Variants in CSMD1 observed in about 807,000 individuals in gnomAD.
CSMD1 encodes CUB and sushi domain-containing protein 1.
CSMD1 carries 213 observed loss-of-function variants against 417.5 expected under a neutral mutation model. The ratio of observed to expected loss-of-function variants is 0.51; its 90% CI spans 0.46 to 0.57. The LOEUF (loss-of-function observed/expected upper bound fraction) is 0.57, where lower values mean the gene tolerates loss of function less well. Ranked by LOEUF, CSMD1 falls within the 20% of genes least tolerant of loss-of-function variation. The pLI is 0.00. For synonymous variants in CSMD1, 2,862 were observed against 1,736.8 expected, an observed-to-expected ratio of 1.65 and a Z score of -16.11; for missense variants, 6,923 against 4,529.7, an observed-to-expected ratio of 1.53 and a Z score of -15.17.
chr8:4,692,264 G>A (rs1248595962), intron 1 of CSMD1, among the ~76,000 whole-genome samples: 1 of 152,050 alleles, frequency 6.6e-6, no homozygotes. Context: ...CAAGTCTTAA[G>A]ATGTACGTTT....
chr8:4,806,861 C>T (rs1336714546), intron 1 of CSMD1, among the ~76,000 whole-genome samples: 1 of 152,132 alleles, frequency 6.6e-6, no homozygotes, highest in African/African-American at 2.4e-5. Context: ...AATAATAAAA[C>T]TGCAGCCTGA....
intron 2 of CSMD1, among the ~76,000 whole-genome samples, chr8:4,599,830 T>C (rs1800489742): frequency 6.6e-6 from 1 of 152,198 alleles, no homozygotes; most frequent in East Asian, 1.9e-4. Flanking sequence ...ATAATGCTCC[T>C]ACATATGCAA....
At chr8:4,704,281 C>A (rs146143965) in intron 1 of CSMD1, among the ~76,000 whole-genome samples, 1 of 152,300 alleles carries the variant, frequency 6.6e-6, no homozygotes, top group East Asian at 1.9e-4. Context: ...AAAACAGAGA[C>A]TTTTACTTAT....
chr8:4,610,706 G>A (rs1801122455), intron 2 of CSMD1, among the ~76,000 whole-genome samples: 5 of 152,132 alleles, frequency 3.3e-5, no homozygotes, highest in Admixed American at 3.3e-4. Context: ...TAGGTTTTAT[G>A]GTTGTAACAG....
intron 5 of CSMD1, among the ~76,000 whole-genome samples, chr8:3,922,128 A>G (rs1306453529): frequency 7.1e-6 from 1 of 140,564 alleles, no homozygotes; most frequent in Admixed American, 7.5e-5. Flanking sequence ...TTATATTATG[A>G]CATTCTTTCT....
intron 1 of CSMD1, among the ~76,000 whole-genome samples, chr8:4,992,776 C>T (rs2117487126): frequency 6.6e-6 from 1 of 152,364 alleles, no homozygotes; most frequent in Admixed American, 6.5e-5. Flanking sequence ...GGCATCCGGA[C>T]TGAGCCGGGC....
chr8:4,124,595 G>C (rs976952635), intron 3 of CSMD1, among the ~76,000 whole-genome samples: 2 of 152,142 alleles, frequency 1.3e-5, no homozygotes, highest in African/African-American at 4.8e-5. Context: ...GGGGTTTCCT[G>C]TGCCTGGCAC....
intron 3 of CSMD1, among the ~76,000 whole-genome samples, chr8:4,343,088 T>C (rs149855944): frequency 5.1e-4 from 78 of 152,198 alleles, no homozygotes; most frequent in African/African-American, 1.7e-3. Context: ...GGTATCTCAG[T>C]GACCAAGGGA....
At chr8:4,202,893 G>A (rs887122058) in intron 3 of CSMD1, among the ~76,000 whole-genome samples, 5 of 152,162 alleles carry the variant, frequency 3.3e-5, no homozygotes, top group African/African-American at 7.2e-5. Context: ...TGGAGAAGGG[G>A]CATGGACTGT....
In CSMD1 at chr8:3,493,679, G is replaced by A; in HGVS notation, c.1392C>T (p.Asp464=). ...FEEFELERGY[D]TLTVGDAGKV... ...TCCCAGCATCACCAACCGTCAGGGTGTCATAGCCTCGCTCCAGCTCAAACT... is the reference window on the plus strand; with the variant it reads ...TCCCAGCATCACCAACCGTCAGGGTATCATAGCCTCGCTCCAGCTCAAACT... The change falls in exon 11 of 70, where the codon GAC becomes GAT. Residue 464 remains aspartate (D), a synonymous_variant. Transcript: ENST00000635120. The A allele has an allele frequency of 6.2e-7, 1 of 1,612,408 alleles. No individual in the cohort carries two copies. The highest frequency in any genetic ancestry group is 2.2e-5 in the East Asian group (1 of 44,822).
At chr8:3,063,960 G>T (rs568860173) in intron 49 of CSMD1, among the ~76,000 whole-genome samples, 1 of 152,242 alleles carries the variant, frequency 6.6e-6, no homozygotes, top group East Asian at 1.9e-4. Flanking sequence ...ACTTAAAAAT[G>T]AAAAATAATA....
chr8:3,952,766 C>T (rs575751257), intron 5 of CSMD1, among the ~76,000 whole-genome samples: 1 of 152,092 alleles, frequency 6.6e-6, no homozygotes, highest in East Asian at 1.9e-4. Context: ...TATTTCACTT[C>T]AATAAAAACA....
intron 3 of CSMD1, among the ~76,000 whole-genome samples, chr8:4,305,842 C>A (rs1798212831): frequency 6.6e-6 from 1 of 152,158 alleles, no homozygotes. Flanking sequence ...ACTTGCCGAT[C>A]TTGTATGGAT....
intron 1 of CSMD1, among the ~76,000 whole-genome samples, chr8:4,700,730 C>CAG (rs1331772948): frequency 2.0e-5 from 3 of 152,070 alleles, no homozygotes; most frequent in African/African-American, 7.2e-5. Context: ...TCCATAAAGT[C>CAG]AGCACATTTT....
At chr8:4,406,249 C>A (rs932950835) in intron 3 of CSMD1, among the ~76,000 whole-genome samples, 3 of 152,110 alleles carry the variant, frequency 2.0e-5, no homozygotes, top group Non-Finnish European at 4.4e-5. Context: ...GCAAGTGGCT[C>A]TCCTGGTGCA....
rs186512049 is a variant in CSMD1 at position 4,332,389 on chromosome 8, C to A, written c.415+87564G>T. Among the ~76,000 whole-genome samples, 297 of 152,144 alleles carry A rather than the reference C, an allele frequency of 2.0e-3. 2 individuals are homozygous for A. The highest frequency in any genetic ancestry group is 6.9e-3 in the African/African-American group (285 of 41,532). ...ACTCAAATTAACGATTCCTACCATG[C>A]GGCAGGAGGATAGTATAAATTCTTT... On this transcript the variant is annotated intron_variant, in intron 3 of 69. Coordinates refer to ENST00000635120, the MANE Select transcript of CSMD1 (RefSeq NM_033225.6).
At chr8:3,104,604 T>G (rs1408039377) in intron 46 of CSMD1, among the ~76,000 whole-genome samples, 1 of 152,184 alleles carries the variant, frequency 6.6e-6, no homozygotes, top group Non-Finnish European at 1.5e-5. Context: ...TGTATGCCAA[T>G]TTTTCTTCAG....
chr8:4,644,001 C>T (rs1803364919), intron 1 of CSMD1, among the ~76,000 whole-genome samples: 1 of 152,164 alleles, frequency 6.6e-6, no homozygotes, highest in Non-Finnish European at 1.5e-5. Flanking sequence ...CTCCCAAACA[C>T]TTATGGGAGA....
chr8:3,946,606 C>G (rs185014783), intron 5 of CSMD1, among the ~76,000 whole-genome samples: 1 of 152,108 alleles, frequency 6.6e-6, no homozygotes, highest in Non-Finnish European at 1.5e-5. Flanking sequence ...GGGCTCTTGA[C>G]TGGAATTGTG....
Sources: allele counts gnomAD v4.1 joint callset (sites outside exome capture counted in the v4.1 genomes callset), GRCh38; gene constraint gnomAD v4.1.1; transcripts MANE v1.5; gene names NCBI Gene and HGNC (gene_info 2026-07-23, HGNC 2026-07-21).